Variants in CNTNAP2 observed in about 807,000 individuals in gnomAD.
The protein encoded by CNTNAP2 is contactin associated protein 2.
Under a neutral mutation model 155.2 loss-of-function variants are expected in CNTNAP2, and 98 were observed. The ratio of observed to expected loss-of-function variants is 0.63; its 90% CI spans 0.54 to 0.75. The LOEUF is 0.75. Among genes scored for constraint, CNTNAP2 ranks in the 30% least tolerant of loss-of-function variants. The probability of loss-of-function intolerance (pLI) is 0.00; values close to 1 mark genes in which losing one functional copy is unlikely to be tolerated. For missense variants in CNTNAP2, 1,727 were observed against 1,688.1 expected (o/e 1.02, Z -0.40); for synonymous variants, 651 against 631.2 (o/e 1.03, Z -0.47).
intron 1 of CNTNAP2, among the ~76,000 whole-genome samples, chr7:146,753,642 T>C (rs1801943601): frequency 6.6e-6 from 1 of 152,078 alleles, no homozygotes; most frequent in Non-Finnish European, 1.5e-5. Context: ...TTAGAAGTTA[T>C]ATAAGTAAAA....
chr7:148,172,165 C>A, intron 17 of CNTNAP2, 77 bp from the exon 18 acceptor site: 1 of 1,398,972 alleles, frequency 7.1e-7, no homozygotes, highest in Non-Finnish European at 1.0e-6. Flanking sequence ...TCTCCTACCA[C>A]AGTTGTTCAA....
intron 2 of CNTNAP2, among the ~76,000 whole-genome samples, chr7:146,838,260 G>A (rs1803654814): frequency 6.6e-6 from 1 of 152,084 alleles, no homozygotes; most frequent in Non-Finnish European, 1.5e-5. Context: ...CTTATTTTAT[G>A]GATCACGTAC....
At chr7:147,587,604 C>G (rs1235078178) in intron 12 of CNTNAP2, among the ~76,000 whole-genome samples, 1 of 152,168 alleles carries the variant, frequency 6.6e-6, no homozygotes, top group Non-Finnish European at 1.5e-5. Flanking sequence ...TGGAAGTGTT[C>G]TGTTGAAGGA....
intron 1 of CNTNAP2, among the ~76,000 whole-genome samples, chr7:146,479,910 G>C (rs1311569510): frequency 2.6e-5 from 4 of 152,136 alleles, no homozygotes; most frequent in Non-Finnish European, 5.9e-5. Flanking sequence ...TCATCCTCCA[G>C]AGTAGCTGGG....
rs1052755945 is a variant in CNTNAP2 at position 148,210,978 on chromosome 7, G to A, written c.3011-6310G>A. Among the ~76,000 whole-genome samples, 3 of 152,350 alleles carry A rather than the reference G, an allele frequency of 2.0e-5. No individual in the cohort carries two copies. In the East Asian group the frequency reaches 5.8e-4, roughly 29 times the overall value. ...TGGGAGAATAACAAAACAAGTTTAA[G>A]CAGAGTTGTGCCATGCAGATTGCCT... On this transcript the variant is annotated intron_variant, in intron 18 of 23. Transcript: ENST00000361727.
chr7:147,273,847 CATAT>C (rs1171961207), intron 8 of CNTNAP2, among the ~76,000 whole-genome samples: 1 of 145,456 alleles, frequency 6.9e-6, no homozygotes. Context: ...AATATTTAAA[CATAT>C]ATAAATATAT....
intron 3 of CNTNAP2, among the ~76,000 whole-genome samples, chr7:146,876,428 G>GTGATTA (rs1202627407): frequency 1.3e-5 from 2 of 152,054 alleles, no homozygotes; most frequent in African/African-American, 4.8e-5. Flanking sequence ...TCATATCATT[G>GTGATTA]TGATTATGAT....
intron 1 of CNTNAP2, among the ~76,000 whole-genome samples, chr7:146,385,531 GAAACA>G (rs1458769001): frequency 1.3e-4 from 20 of 152,152 alleles, no homozygotes; most frequent in African/African-American, 3.6e-4. Flanking sequence ...TTCAAAATAT[GAAACA>G]AAACAAAAGA....
At chr7:146,203,515 C>G (rs1798899547) in intron 1 of CNTNAP2, among the ~76,000 whole-genome samples, 1 of 152,092 alleles carries the variant, frequency 6.6e-6, no homozygotes, top group African/African-American at 2.4e-5. Context: ...TCTCCAGGAC[C>G]CTCCAGAAGC....
At chr7:146,686,426 C>T (rs950469571) in intron 1 of CNTNAP2, among the ~76,000 whole-genome samples, 2 of 152,118 alleles carry the variant, frequency 1.3e-5, no homozygotes, top group African/African-American at 4.8e-5. Context: ...CAATCATCCT[C>T]TTCCAGAATT....
intron 11 of CNTNAP2, among the ~76,000 whole-genome samples, chr7:147,506,704 T>A (rs1282911960): frequency 6.6e-6 from 1 of 152,220 alleles, no homozygotes; most frequent in Non-Finnish European, 1.5e-5. Context: ...ACCTAATGAA[T>A]CAAAGCTGGG....
intron 9 of CNTNAP2, among the ~76,000 whole-genome samples, chr7:147,316,404 G>C (rs372588798): frequency 1.4e-4 from 21 of 152,084 alleles, no homozygotes; most frequent in African/African-American, 4.8e-4. Flanking sequence ...ACTGGATAAT[G>C]ATGTGAGGTT....
At chr7:147,153,890 G>C (rs1014810576) in intron 8 of CNTNAP2, among the ~76,000 whole-genome samples, 1 of 152,102 alleles carries the variant, frequency 6.6e-6, no homozygotes, top group Non-Finnish European at 1.5e-5. Context: ...CTGATTGTGT[G>C]GTAGTAGAAG....
chr7:146,799,696 A>G (rs547054149), intron 2 of CNTNAP2, among the ~76,000 whole-genome samples: 1 of 152,320 alleles, frequency 6.6e-6, no homozygotes, highest in East Asian at 1.9e-4. Flanking sequence ...AAATTACCAT[A>G]GTGGTTAAGA....
At chr7:148,188,421 G>A (rs1433782602) in intron 18 of CNTNAP2, among the ~76,000 whole-genome samples, 1 of 152,168 alleles carries the variant, frequency 6.6e-6, no homozygotes, top group Non-Finnish European at 1.5e-5. Context: ...GGAAGACATT[G>A]GACAAGCTTT....
At chr7:147,057,601 C>T (rs1424193520) in intron 4 of CNTNAP2, among the ~76,000 whole-genome samples, 1 of 152,122 alleles carries the variant, frequency 6.6e-6, no homozygotes, top group Non-Finnish European at 1.5e-5. Flanking sequence ...GGCTTCTACC[C>T]ATTCAATACT....
chr7:146,981,164 A>G (rs1798009897), intron 3 of CNTNAP2, among the ~76,000 whole-genome samples: 2 of 152,134 alleles, frequency 1.3e-5, no homozygotes. Flanking sequence ...CAACTAAGTC[A>G]TTTTTCACTT....
At chr7:147,145,508 G>C (rs918450365) in intron 8 of CNTNAP2, among the ~76,000 whole-genome samples, 9 of 152,096 alleles carry the variant, frequency 5.9e-5, no homozygotes, top group African/African-American at 2.2e-4. Flanking sequence ...ACCTGAAGGA[G>C]CTCCTCTGTT....
At chr7:146,280,545 T>C (rs1327329552) in intron 1 of CNTNAP2, among the ~76,000 whole-genome samples, 1 of 152,076 alleles carries the variant, frequency 6.6e-6, no homozygotes. Flanking sequence ...ATGAATTAGG[T>C]ACTAGTAATG....
Sources: gnomAD v4.1 joint callset for allele counts (sites outside exome capture counted in the v4.1 genomes callset) on GRCh38, gnomAD v4.1.1 for gene constraint, MANE v1.5 for transcripts, NCBI Gene and HGNC (gene_info 2026-07-23, HGNC 2026-07-21) for gene names.